The following CDKN2AIP variants were observed in gnomAD, a reference collection of about 807,000 sequenced individuals.
The protein encoded by CDKN2AIP is CDKN2A interacting protein.
A neutral mutation model predicts 44.1 loss-of-function variants in CDKN2AIP; 12 were observed. The observed-to-expected ratio is 0.27, with a 90% confidence interval of 0.17 to 0.44. The LOEUF is 0.44. CDKN2AIP is among the 20% of genes least tolerant of loss of function. The pLI is 1.00. For synonymous variants in CDKN2AIP, 291 were observed against 272.1 expected, an observed-to-expected ratio of 1.07 and a Z score of -0.68; for missense variants, 705 against 681.6, an observed-to-expected ratio of 1.03 and a Z score of -0.38.
chr4:183,445,727 G>T, intron 2 of CDKN2AIP, 62 bp downstream of exon 2: 1 of 1,364,332 alleles, frequency 7.3e-7, no homozygotes, highest in African/African-American at 1.5e-5. Context: ...ATATAATTAG[G>T]AATTATTGTT....
chr4:183,446,364 C>G lies in CDKN2AIP; in HGVS notation c.680C>G (p.Ser227Cys), dbSNP rs1428060564. 1.2e-6 allele frequency: 2 copies of G among 1,613,684 alleles called. No homozygotes were observed. The highest frequency in any genetic ancestry group is 1.7e-6 in the Non-Finnish European group (2 of 1,179,806). Residue 227 changes from serine to cysteine, a missense_variant, in exon 3 of 3, where the codon TCT becomes TGT. Physicochemically the swap from Ser to Cys is moderately radical, Grantham distance 112. Coordinates refer to ENST00000504169, the MANE Select transcript of CDKN2AIP (RefSeq NM_017632.4). ...SVSSQVTTAGSGKASEAEAPD... is the reference protein window; with the variant it reads ...SVSSQVTTAGCGKASEAEAPD... ...TCCTCTCAGGTAACAACGGCAGGAT[C>G]TGGGAAAGCTTCTGAAGCAGAAGCT...
In CDKN2AIP at chr4:183,446,533, A is replaced by T. The variant is rs148559030; in HGVS notation, c.849A>T (p.Gln283His). The stretch of plus-strand genomic sequence containing the variant: ...AAGGCTCTTCAGCCTCAGCTTCTCA[A>T]AGCAGCTCAGAGATCGAGGTGCCCT... ...ALEGSSASAS[Q>H]SSSEIEVPLL... Residue 283 changes from glutamine (Q) to histidine (H), a missense_variant, in exon 3 of 3, where the codon CAA becomes CAT. By Grantham distance (24) the Gln-to-His change is conservative. Around this residue, in one of 2 missense-constraint regions of CDKN2AIP, gnomAD observed 592 missense variants for 518.0 expected, o/e 1.14. Coordinates refer to ENST00000504169, the MANE Select transcript of CDKN2AIP (RefSeq NM_017632.4). 5.4e-5 allele frequency: 87 copies of T among 1,613,824 alleles called. No homozygotes were observed. In the African/African-American group the frequency reaches 1.0e-3, roughly 19 times the overall value.
rs1733708474 is a variant in CDKN2AIP at position 183,447,491 on chromosome 4, G to A, written c.*64G>A. On this transcript the variant is annotated 3_prime_UTR_variant, in exon 3 of 3. Transcript: ENST00000504169. ...GAAGAGAAAAACTGACTTTTGTATA[G>A]TATAAAACACAGGCTTTCACAAATT... 1.2e-5 allele frequency: 14 copies of A among 1,203,064 alleles called. 1 individual carries two copies. In the South Asian group the frequency reaches 2.4e-4, roughly 21 times the overall value. The allele number at this position is 1,203,064 out of a possible 1,614,324, so 74.5% of individuals were successfully genotyped here. A position where few individuals can be genotyped will look rare whatever the true frequency, so the allele number is the denominator to read the frequency against.
rs918174581 is a variant in CDKN2AIP, at chr4:183,444,958, C to T, written c.161C>T (p.Ser54Phe). ...CTGGCCCCCGCTGGCGGCGCTGCCTCCGCTAGCACGGATGAAGCTGCCGAC... is the reference window on the plus strand; with the variant it reads ...CTGGCCCCCGCTGGCGGCGCTGCCTTCGCTAGCACGGATGAAGCTGCCGAC... ...GDLAPAGGAA[S>F]ASTDEAADAE... Residue 54 changes from serine to phenylalanine, a missense_variant, in exon 1 of 3, where the codon TCC (serine) becomes TTC (phenylalanine). Ser to Phe is a radical substitution (Grantham distance 155). Transcript: ENST00000504169. The T allele has an allele frequency of 1.9e-6, 3 of 1,611,280 alleles. No individual in the cohort carries two copies. Among genetic ancestry groups the T allele is most frequent in the East Asian group, 2.2e-5 (1 of 44,840 alleles).
chr4:183,446,695 TTCC>T lies in CDKN2AIP; in HGVS notation c.1014_1016del (p.Ser340del). ...TTTCATCATCAGTTGCTAAAAACAG[TTCC>T]TCATCAGGCACATCCTTACTGACTC... On this transcript the variant is annotated inframe_deletion, in exon 3 of 3. Coordinates refer to ENST00000504169, the MANE Select transcript of CDKN2AIP (RefSeq NM_017632.4). The T allele has an allele frequency of 6.2e-7, 1 of 1,614,194 alleles. No homozygotes were observed. The highest frequency in any genetic ancestry group is 8.5e-7 in the Non-Finnish European group (1 of 1,180,032).
intron 2 of CDKN2AIP, 31 bp from the exon 3 acceptor site, chr4:183,446,057 A>T: frequency 6.5e-7 from 1 of 1,534,846 alleles, no homozygotes; most frequent in Non-Finnish European, 8.8e-7. Flanking sequence ...AGGTATTCTT[A>T]GTCACATATC....
chr4:183,446,492 A>C lies in CDKN2AIP; in HGVS notation c.808A>C (p.Lys270Gln), dbSNP rs1733684214. ...TTCTAGACAACAAAGTGGATCACCT[A>C]AAAAGAGTGCTTTGGAAGGCTCTTC... ...TDSRQQSGSPKKSALEGSSAS... is the reference protein window; with the variant it reads ...TDSRQQSGSPQKSALEGSSAS... The change falls in exon 3 of 3, where the codon AAA (lysine) becomes CAA (glutamine). Residue 270 changes from lysine (K) to glutamine (Q), a missense_variant. Transcript: ENST00000504169. 6.8e-6 allele frequency: 11 copies of C among 1,613,668 alleles called. No individual in the cohort carries two copies. Among genetic ancestry groups the C allele is most frequent in the Non-Finnish European group, 9.3e-6 (11 of 1,179,652 alleles).
In CDKN2AIP at chr4:183,446,557, C is replaced by A; in HGVS notation, c.873C>A (p.Pro291=). 6.2e-7 allele frequency: 1 copy of A among 1,614,080 alleles called. No individual in the cohort carries two copies. Among genetic ancestry groups the A allele is most frequent in the South Asian group, 1.1e-5 (1 of 91,084 alleles). ...ASQSSSEIEV[P]LLGSSGSSEV... Reference sequence around the variant, plus strand: ...AAAGCAGCTCAGAGATCGAGGTGCCCTTGTTGGGCTCCTCAGGAAGCTCAG... The same window carrying A: ...AAAGCAGCTCAGAGATCGAGGTGCCATTGTTGGGCTCCTCAGGAAGCTCAG... Residue 291 remains proline (P), a synonymous_variant, in exon 3 of 3, where the codon CCC becomes CCA. Coordinates refer to ENST00000504169, the MANE Select transcript of CDKN2AIP (RefSeq NM_017632.4).
intron 1 of CDKN2AIP, 89 bp from the exon 2 acceptor site, chr4:183,445,446 C>G (rs553932500): frequency 9.9e-7 from 1 of 1,014,804 alleles, no homozygotes. Context: ...TGATTGCAGC[C>G]AGGAAATGCA....
chr4:183,447,155 C>G lies in CDKN2AIP; in HGVS notation c.1471C>G (p.Leu491Val). 6.2e-7 allele frequency: 1 copy of G among 1,614,138 alleles called. No individual in the cohort carries two copies. The highest frequency in any genetic ancestry group is 8.5e-7 in the Non-Finnish European group (1 of 1,180,004). ...FFVPLKELAD[L>V]PQNKSSQESI... ...TGTCCCACTAAAAGAATTGGCAGAT[C>G]TGCCTCAAAATAAGAGCTCTCAAGA... Residue 491 changes from leucine to valine, a missense_variant, in exon 3 of 3, where the codon CTG becomes GTG. Around this residue, in one of 2 missense-constraint regions of CDKN2AIP, gnomAD observed 113 missense variants for 163.6 expected, o/e 0.69. Coordinates refer to ENST00000504169, the MANE Select transcript of CDKN2AIP (RefSeq NM_017632.4).
In CDKN2AIP at chr4:183,447,148, G is replaced by A. The variant is rs746485773; in HGVS notation, c.1464G>A (p.Leu488=). Reference sequence around the variant, plus strand: ...TATTTTTTGTCCCACTAAAAGAATTGGCAGATCTGCCTCAAAATAAGAGCT... The same window carrying A: ...TATTTTTTGTCCCACTAAAAGAATTAGCAGATCTGCCTCAAAATAAGAGCT... ...LDVFFVPLKE[L]ADLPQNKSSQ... The change falls in exon 3 of 3, where the codon TTG becomes TTA. Residue 488 remains leucine, a synonymous_variant. Coordinates refer to ENST00000504169, the MANE Select transcript of CDKN2AIP (RefSeq NM_017632.4). 2 of 1,614,088 alleles carry A rather than the reference G, an allele frequency of 1.2e-6. No homozygotes were observed. The highest frequency in any genetic ancestry group is 1.1e-5 in the South Asian group (1 of 91,084).
chr4:183,446,037 G>GT (rs1560948085), intron 2 of CDKN2AIP, 51 bp from the exon 3 acceptor site: 1 of 1,440,408 alleles, frequency 6.9e-7, no homozygotes, highest in African/African-American at 1.4e-5. Context: ...CTCATCACCC[G>GT]TTTTGTACGA....
In CDKN2AIP at chr4:183,448,845, A is replaced by AT. The variant is rs1374003198; in HGVS notation, c.*1420dup. ...TTTTACCATATAACCTTTAAAAATG[A>AT]TTCATTTTTGAGGATATTTAATTGG... On this transcript the variant is annotated 3_prime_UTR_variant, in exon 3 of 3. Transcript: ENST00000504169. Among the ~76,000 whole-genome samples the AT allele has an allele frequency of 1.3e-5, 2 of 152,104 alleles. No homozygotes were observed. The highest frequency in any genetic ancestry group is 3.9e-4 in the East Asian group (2 of 5,194).
chr4:183,445,481 A>AGCAC lies in CDKN2AIP; in HGVS notation c.273-54_273-53insGCAC. ...AGTCCCTGTGGCCTGTTTTTTGCAC[A>AGCAC]AGTAGGACCTTAGAAAAAACACTTT... On this transcript the variant is annotated intron_variant, in intron 1 of 2. Coordinates refer to ENST00000504169, the MANE Select transcript of CDKN2AIP (RefSeq NM_017632.4). 3.3e-6 allele frequency: 5 copies of AGCAC among 1,492,850 alleles called. No individual in the cohort carries two copies. The Admixed American group carries it at 5.2e-5, about 16-fold the overall frequency. The allele number at this position is 1,492,850 out of a possible 1,614,324, so 92.5% of individuals were successfully genotyped here.
rs1343799116 is a variant in CDKN2AIP, at chr4:183,446,174, A to G, written c.490A>G (p.Lys164Glu). ...VEQDHAKTSA[K>E]TERASAQQEN... ...GCAAGATCACGCAAAAACCTCTGCC[A>G]AGACAGAACGTGCATCAGCTCAGCA... The change falls in exon 3 of 3, where the codon AAG (lysine) becomes GAG (glutamate). Residue 164 changes from lysine (K) to glutamate (E), a missense_variant. Lys to Glu is a moderately conservative substitution (Grantham distance 56). Around this residue, in one of 2 missense-constraint regions of CDKN2AIP, gnomAD observed 592 missense variants for 518.0 expected, o/e 1.14. Transcript: ENST00000504169. 1.2e-6 allele frequency: 2 copies of G among 1,614,092 alleles called. No individual in the cohort carries two copies. The highest frequency in any genetic ancestry group is 2.2e-5 in the East Asian group (1 of 44,902).
chr4:183,446,764 C>T lies in CDKN2AIP; in HGVS notation c.1080C>T (p.Ser360=). 1 of 1,614,130 alleles carries T rather than the reference C, an allele frequency of 6.2e-7. No individual in the cohort carries two copies. Among genetic ancestry groups the T allele is most frequent in the Non-Finnish European group, 8.5e-7 (1 of 1,179,974 alleles). The change falls in exon 3 of 3, where the codon TCC becomes TCT. Residue 360 remains serine, a synonymous_variant. Coordinates refer to ENST00000504169, the MANE Select transcript of CDKN2AIP (RefSeq NM_017632.4). Reference sequence around the variant, plus strand: ...CAACAAATACATCGCTGCTAACTTCCAAGAGCACTTCCCAGGTAGCTGCAT... The same window carrying T: ...CAACAAATACATCGCTGCTAACTTCTAAGAGCACTTCCCAGGTAGCTGCAT... The part of the protein sequence containing the change: ...SSSTNTSLLT[S]KSTSQVAASL...
rs1733668209 is a variant in CDKN2AIP, at chr4:183,446,245, T to A, written c.561T>A (p.Ser187Arg). The A allele has an allele frequency of 1.2e-6, 2 of 1,613,676 alleles. No homozygotes were observed. The highest frequency in any genetic ancestry group is 2.2e-5 in the South Asian group (2 of 91,074). The change falls in exon 3 of 3, where the codon AGT (serine) becomes AGA (arginine). Residue 187 changes from serine (S) to arginine (R), a missense_variant. This residue lies in a region of CDKN2AIP where 592 missense variants were observed against 518.0 expected (regional missense o/e 1.14). Coordinates refer to ENST00000504169, the MANE Select transcript of CDKN2AIP (RefSeq NM_017632.4). ...TAGGGTCGGCCATCAAATCAGAGAGTGGGAACTCAGCTCGGAGCTCTGGCA... is the reference window on the plus strand; with the variant it reads ...TAGGGTCGGCCATCAAATCAGAGAGAGGGAACTCAGCTCGGAGCTCTGGCA... ...TCIGSAIKSE[S>R]GNSARSSGIS...
In CDKN2AIP at chr4:183,447,118, G is replaced by A; in HGVS notation, c.1434G>A (p.Leu478=). 1 of 1,613,838 alleles carries A rather than the reference G, an allele frequency of 6.2e-7. No homozygotes were observed. Among genetic ancestry groups the A allele is most frequent in the Non-Finnish European group, 8.5e-7 (1 of 1,179,754 alleles). Reference sequence around the variant, plus strand: ...CTATTGAGGCTCTGAAAGCAACACTGGATGTATTTTTTGTCCCACTAAAAG... The same window carrying A: ...CTATTGAGGCTCTGAAAGCAACACTAGATGTATTTTTTGTCCCACTAAAAG... ...NAAIEALKAT[L]DVFFVPLKEL... Residue 478 remains leucine, a synonymous_variant, in exon 3 of 3, where the codon CTG becomes CTA. Coordinates refer to ENST00000504169, the MANE Select transcript of CDKN2AIP (RefSeq NM_017632.4).
rs1011650345 is a variant in CDKN2AIP, at chr4:183,448,793, A to G, written c.*1366A>G. Among the ~76,000 whole-genome samples, 7 of 147,168 alleles carry G rather than the reference A, an allele frequency of 4.8e-5. No individual in the cohort carries two copies. The highest frequency in any genetic ancestry group is 1.9e-4 in the African/African-American group (7 of 36,696). ...TACTTTAATTTTTTATGCTAGAATT[A>G]CATAATTACATAATCAGATGTTTTA... On this transcript the variant is annotated 3_prime_UTR_variant, in exon 3 of 3. Transcript: ENST00000504169.
Sources: allele counts gnomAD v4.1 joint callset (sites outside exome capture counted in the v4.1 genomes callset), GRCh38; gene constraint gnomAD v4.1.1; regional missense constraint gnomAD v4.1.1; transcripts MANE v1.5; gene names NCBI Gene and HGNC (gene_info 2026-07-23, HGNC 2026-07-21).